The following HAL variants were observed in gnomAD, a reference collection of about 807,000 sequenced individuals.
HAL encodes the protein histidine ammonia-lyase, also known as histidase.
A neutral mutation model predicts 81.1 loss-of-function variants in HAL; 85 were observed. That is an observed-to-expected ratio of 1.05 (90% CI 0.88 to 1.25). The LOEUF (loss-of-function observed/expected upper bound fraction) is 1.25. Ranked by LOEUF, HAL falls within the 50% of genes most tolerant of loss-of-function variation. The probability of loss-of-function intolerance (pLI) is 0.00; values close to 1 mark genes in which losing one functional copy is unlikely to be tolerated. For synonymous variants in HAL, 301 were observed against 309.2 expected, an observed-to-expected ratio of 0.97 and a Z score of 0.28; for missense variants, 798 against 836.6, an observed-to-expected ratio of 0.95 and a Z score of 0.57.
chr12:95,980,530 T>C (rs763756614), intron 17 of HAL, 26 bp downstream of exon 17: 6 of 1,609,676 alleles, frequency 3.7e-6, no homozygotes, highest in South Asian at 2.2e-5. Flanking sequence ...CGGGCGTGTG[T>C]TCTGGGAAAG....
At chr12:95,983,382 C>T (rs1005848343) in intron 15 of HAL, among the ~76,000 whole-genome samples, 4 of 144,908 alleles carry the variant, frequency 2.8e-5, no homozygotes, top group African/African-American at 5.6e-5. Context: ...AGTGAGACTC[C>T]GTCTAAAAAT....
intron 20 of HAL, among the ~76,000 whole-genome samples, chr12:95,975,800 A>G (rs1210272457): frequency 6.6e-6 from 1 of 152,222 alleles, no homozygotes; most frequent in Non-Finnish European, 1.5e-5. Flanking sequence ...TGTTTTAAGG[A>G]AATCAAGCGA....
Position 95,976,392 on chromosome 12 carries a change from A to G in HAL, c.1833+37T>C, listed in dbSNP as rs759588897. ...TCCCCGACTTTGCTTTCCTGTAACA[A>G]TTAAAAATTAAGAAACAAGCCAAGG... On this transcript the variant is annotated intron_variant, in intron 20 of 20. Transcript: ENST00000261208. 3 of 1,546,014 alleles carry G rather than the reference A, an allele frequency of 1.9e-6. No individual in the cohort carries two copies. In the East Asian group the frequency reaches 6.7e-5, roughly 35 times the overall value.
intron 10 of HAL, 86 bp downstream of exon 10, chr12:95,990,306 TA>T: frequency 9.3e-7 from 1 of 1,078,394 alleles, no homozygotes; most frequent in Non-Finnish European, 1.4e-6. Flanking sequence ...TGGGCTGTTG[TA>T]AGGACTAGGT....
intron 3 of HAL, 34 bp from the exon 4 acceptor site, chr12:95,994,859 T>C: frequency 6.2e-7 from 1 of 1,613,066 alleles, no homozygotes; most frequent in African/African-American, 1.3e-5. Context: ...TAGGGTGGTG[T>C]GGAAAAACCC....
chr12:95,980,637 T>G lies in HAL; in HGVS notation c.1438A>C (p.Ser480Arg), dbSNP rs373644103. The change falls in exon 17 of 21, where the codon AGT becomes CGT. Residue 480 changes from serine to arginine, a missense_variant. Physicochemically the swap from Ser to Arg is moderately radical, Grantham distance 110. Coordinates refer to ENST00000261208, the MANE Select transcript of HAL (RefSeq NM_002108.4). ...GCCACCAGGAAGGCAGGCAGCTCAC[T>G]GAGGGAGGGATTGCAGAGCCGCTCG... The part of the protein sequence containing the change: ...RIERLCNPSL[S>R]ELPAFLVAEG... 6.8e-6 allele frequency: 11 copies of G among 1,613,948 alleles called. No homozygotes were observed. Among genetic ancestry groups the G allele is most frequent in the African/African-American group, 6.7e-5 (5 of 74,912 alleles).
chr12:95,992,923 C>T (rs1949990037), intron 8 of HAL, 118 bp from the exon 9 acceptor site: 2 of 894,048 alleles, frequency 2.2e-6, no homozygotes, highest in South Asian at 2.6e-5. Flanking sequence ...TTACCTTCTC[C>T]TCTCGGCTCA....
chr12:95,974,352 T>G lies in HAL; in HGVS notation c.1854A>C (p.Pro618=), dbSNP rs1350498448. The change falls in exon 21 of 21, where the codon CCA becomes CCC. Residue 618 remains proline (P), a synonymous_variant. Transcript: ENST00000261208. ...GCTCCATTCTGTATTTTTCAATGTA[T>G]GGAGCAGCTACTTCCCAAACCTGAA... The part of the protein sequence containing the change: ...LEQKVWEVAA[P]YIEKYRMEHI... 1.9e-6 allele frequency: 3 copies of G among 1,613,780 alleles called. No individual in the cohort carries two copies. The highest frequency in any genetic ancestry group is 1.7e-6 in the Non-Finnish European group (2 of 1,179,636).
rs377255259 is a variant in HAL, at chr12:95,994,142, C to T, written c.359G>A (p.Arg120His). The T allele has an allele frequency of 5.4e-5, 87 of 1,612,694 alleles. No homozygotes were observed. Among genetic ancestry groups the T allele is most frequent in the Non-Finnish European group, 6.8e-5 (80 of 1,178,710 alleles). ...GTTGACCAGATCCTCCGTGGTCAGA[C>T]GGTCTCCATCTAACTCGATGTACTA... Reference protein sequence around the residue: ...PEKYIELDGDRLTTEDLVNLG... With the variant: ...PEKYIELDGDHLTTEDLVNLG... Residue 120 changes from arginine to histidine, a missense_variant, in exon 5 of 21, where the codon CGT becomes CAT. By Grantham distance (29) the Arg-to-His change is conservative (BLOSUM62 0). Transcript: ENST00000261208.
rs970956915 is a variant in HAL at position 95,994,715 on chromosome 12, T to A, written c.336+83A>T. The A allele has an allele frequency of 1.2e-5, 16 of 1,326,100 alleles. 1 individual carries two copies. The highest frequency in any genetic ancestry group is 1.0e-4 in the Admixed American group (6 of 59,650). The allele number at this position is 1,326,100 out of a possible 1,614,324, so 82.1% of individuals were successfully genotyped here. On this transcript the variant is annotated intron_variant, in intron 4 of 20. Transcript: ENST00000261208. ...AGCCCTGTTCTAATTGACAGTGTTT[T>A]CTCAGAAGTTTTCCTGGCTTTCCTC...
At position 95,976,444 on chromosome 12, in the gene HAL, C is replaced by G; in HGVS notation, c.1818G>C (p.Leu606=). 1 of 1,613,838 alleles carries G rather than the reference C, an allele frequency of 6.2e-7. No homozygotes were observed. Among genetic ancestry groups the G allele is most frequent in the Non-Finnish European group, 8.5e-7 (1 of 1,179,718 alleles). Residue 606 remains leucine, a synonymous_variant, in exon 20 of 21, where the codon CTG becomes CTC. Coordinates refer to ENST00000261208, the MANE Select transcript of HAL (RefSeq NM_002108.4). ...GCCAGCTTGCCTTCTGCTCCAGGAG[C>G]AGCCTGTGGGCTGCCTCGATGTCCG... ...MAPDIEAAHR[L]LLEQKVWEVA...
rs2080685715 is a variant in HAL, at chr12:95,974,045, A to G, written c.*187T>C. 1.5e-5 allele frequency: 10 copies of G among 670,324 alleles called. No individual in the cohort carries two copies. The highest frequency in any genetic ancestry group is 2.4e-5 in the Admixed American group (1 of 42,338). 41.5% of individuals were successfully genotyped at this position (670,324 alleles called of 1,614,324 possible). A position where few individuals can be genotyped will look rare whatever the true frequency, so the allele number is the denominator to read the frequency against. Reference sequence around the variant, plus strand: ...ACCTGGTGGGTCTTGAACCACGACAACAGGAACACAGTGCTGAATTTAGCA... The same window carrying G: ...ACCTGGTGGGTCTTGAACCACGACAGCAGGAACACAGTGCTGAATTTAGCA... On this transcript the variant is annotated 3_prime_UTR_variant, in exon 21 of 21. Coordinates refer to ENST00000261208, the MANE Select transcript of HAL (RefSeq NM_002108.4).
In HAL at chr12:95,980,547, T is replaced by C. The variant is rs778354543; in HGVS notation, c.1519+9A>G. On this transcript the variant is annotated intron_variant, in intron 17 of 20. Coordinates refer to ENST00000261208, the MANE Select transcript of HAL (RefSeq NM_002108.4). ...GGCGTGTGTTCTGGGAAAGGGGCAG[T>C]GTCCTTACCAAGGGCTGCTGCCGTG... is the stretch of plus-strand genomic sequence containing the variant. The C allele has an allele frequency of 6.2e-7, 1 of 1,611,928 alleles. No individual in the cohort carries two copies. The highest frequency in any genetic ancestry group is 1.1e-5 in the South Asian group (1 of 91,016).
chr12:95,993,073 T>C (rs1328812947), intron 8 of HAL, among the ~76,000 whole-genome samples: 2 of 152,198 alleles, frequency 1.3e-5, no homozygotes, highest in African/African-American at 4.8e-5. Flanking sequence ...CACTCACCTT[T>C]AGAATAGCAT....
chr12:95,986,185 T>A, intron 12 of HAL, 25 bp from the exon 13 acceptor site: 2 of 1,262,058 alleles, frequency 1.6e-6, no homozygotes, highest in Non-Finnish European at 2.3e-6. Flanking sequence ...GGAGAAAAAG[T>A]CTGAATAATT....
At chr12:95,979,633 G>A (rs772703946) in intron 17 of HAL, among the ~76,000 whole-genome samples, 2 of 152,054 alleles carry the variant, frequency 1.3e-5, no homozygotes, top group Non-Finnish European at 2.9e-5. Flanking sequence ...TTTGATTTTA[G>A]ATTAAAAAAA....
chr12:95,978,022 C>A lies in HAL; in HGVS notation c.1576G>T (p.Ala526Ser). The change falls in exon 18 of 21, where the codon GCA (alanine) becomes TCA (serine). Residue 526 changes from alanine to serine, a missense_variant. Coordinates refer to ENST00000261208, the MANE Select transcript of HAL (RefSeq NM_002108.4). ...ATGGAGACGTGGTCCTCCGTGGCTG[C>A]GCTGGTGGAGAGGGAGTCAACAGAC... is the stretch of plus-strand genomic sequence containing the variant. ...PSSVDSLSTS[A>S]ATEDHVSMGG... The A allele has an allele frequency of 1.2e-6, 2 of 1,613,414 alleles. No individual in the cohort carries two copies. Among genetic ancestry groups the A allele is most frequent in the Non-Finnish European group, 1.7e-6 (2 of 1,179,326 alleles).
intron 10 of HAL, among the ~76,000 whole-genome samples, chr12:95,988,970 C>A (rs949847764): frequency 6.6e-6 from 1 of 152,122 alleles, no homozygotes; most frequent in African/African-American, 2.4e-5. Flanking sequence ...GGATTCTGTT[C>A]TGGGTGTTGG....
intron 4 of HAL, 25 bp from the exon 5 acceptor site, chr12:95,994,189 T>C: frequency 6.5e-7 from 1 of 1,538,936 alleles, no homozygotes; most frequent in South Asian, 1.1e-5. Context: ...GGGATCTCAG[T>C]GAGTCTGAAC....
Sources: allele counts gnomAD v4.1 joint callset (sites outside exome capture counted in the v4.1 genomes callset), GRCh38; gene constraint gnomAD v4.1.1; transcripts MANE v1.5; gene names NCBI Gene and HGNC (gene_info 2026-07-23, HGNC 2026-07-21).